Variants in ZNF573 observed in about 807,000 individuals in gnomAD.
ZNF573 encodes zinc finger protein 573.
A neutral mutation model predicts 57.4 loss-of-function variants in ZNF573; 41 were observed. The ratio of observed to expected loss-of-function variants is 0.71; its 90% confidence interval spans 0.56 to 0.93. The LOEUF (loss-of-function observed/expected upper bound fraction) is 0.93, where lower values mean the gene tolerates loss of function less well. Ranked by LOEUF, ZNF573 falls within the 40% of genes least tolerant of loss-of-function variation. The pLI, the probability that ZNF573 is intolerant of heterozygous loss-of-function variation, is 0.00. For synonymous variants in ZNF573, 249 were observed against 261.0 expected, an observed-to-expected ratio of 0.95 and a Z score of 0.44; for missense variants, 730 against 794.8, an observed-to-expected ratio of 0.92 and a Z score of 0.98.
In ZNF573 at chr19:37,773,691, G is replaced by A; in HGVS notation, c.39C>T (p.Ile13=). The part of the protein sequence containing the change: ...PVLEPHQVGL[I]RSYNSKTMTC... ...TCATGGTTTTAGAATTGTAAGACCTGATCAGTCCTACTTGGTGGGGTTCCA... is the reference window on the plus strand; with the variant it reads ...TCATGGTTTTAGAATTGTAAGACCTAATCAGTCCTACTTGGTGGGGTTCCA... Residue 13 remains isoleucine, a synonymous_variant, in exon 2 of 5, where the codon ATC becomes ATT. Transcript: ENST00000536220. 6.5e-7 allele frequency: 1 copy of A among 1,535,676 alleles called. No homozygotes were observed. Among genetic ancestry groups the A allele is most frequent in the African/African-American group, 1.4e-5 (1 of 73,138 alleles).
At chr19:37,747,661 C>T (rs1210732096) in intron 4 of ZNF573, among the ~76,000 whole-genome samples, 2 of 151,940 alleles carry the variant, frequency 1.3e-5, no homozygotes, top group African/African-American at 4.8e-5. Flanking sequence ...ATGTCATGTA[C>T]CCCTGATGTA....
intron 1 of ZNF573, among the ~76,000 whole-genome samples, chr19:37,778,000 G>A (rs2045726066): frequency 6.8e-6 from 1 of 147,566 alleles, no homozygotes; most frequent in African/African-American, 2.5e-5. Context: ...ACTCCAGCCT[G>A]GGCGACAGAG....
intron 4 of ZNF573, among the ~76,000 whole-genome samples, chr19:37,757,489 G>A (rs868713571): frequency 2.6e-5 from 4 of 152,030 alleles, no homozygotes; most frequent in Non-Finnish European, 4.4e-5. Flanking sequence ...GAGCTACCGC[G>A]CCCGGCCCAC....
intron 4 of ZNF573, among the ~76,000 whole-genome samples, chr19:37,745,935 A>G (rs2045378279): frequency 6.6e-6 from 1 of 152,212 alleles, no homozygotes; most frequent in Admixed American, 6.5e-5. Context: ...TCATAGATAC[A>G]ATTCAAATAC....
rs3752365 is a variant in ZNF573, at chr19:37,739,819, C to G, written c.671G>C (p.Gly224Ala). The G allele has an allele frequency of 0.18, 297,041 of 1,613,896 alleles. 29,540 individuals are homozygous for G. The highest frequency in any genetic ancestry group is 0.21 in the Non-Finnish European group (243,780 of 1,179,940). ...GTGTGAGGCATATATAAAGGCCTTC[C>G]CACACTGCCTACATTCATAGGTTTT... Reference protein sequence around the residue: ...GEKTYECRQCGKAFIYASHIV... With the variant: ...GEKTYECRQCAKAFIYASHIV... The change falls in exon 5 of 5, where the codon GGG (glycine) becomes GCG (alanine). Residue 224 changes from glycine (G) to alanine (A), a missense_variant. Physicochemically the swap from Gly to Ala is moderately conservative, Grantham distance 60. Transcript: ENST00000536220.
chr19:37,745,976 C>G (rs1462124952), intron 4 of ZNF573, among the ~76,000 whole-genome samples: 2 of 152,178 alleles, frequency 1.3e-5, no homozygotes, highest in Non-Finnish European at 2.9e-5. Flanking sequence ...CAGTCACACA[C>G]AGATTGTTCC....
At chr19:37,766,056 G>T (rs241932) in intron 4 of ZNF573, among the ~76,000 whole-genome samples, 45,641 of 151,712 alleles carry the variant, frequency 0.3, 8,448 homozygotes, top group East Asian at 0.62. Flanking sequence ...AAAAAGAAAA[G>T]AGAAAAGACC....
intron 3 of ZNF573, 43 bp from the exon 4 acceptor site, chr19:37,770,140 A>G: frequency 7.1e-6 from 10 of 1,416,898 alleles, no homozygotes; most frequent in Non-Finnish European, 9.6e-6. Flanking sequence ...AATAAAAACA[A>G]AAGTAACAGA....
intron 4 of ZNF573, among the ~76,000 whole-genome samples, chr19:37,757,867 A>G (rs946581413): frequency 6.6e-6 from 1 of 152,244 alleles, no homozygotes; most frequent in African/African-American, 2.4e-5. Flanking sequence ...CAGTCATAAA[A>G]AATGATGAGT....
At chr19:37,751,113 T>A (rs2045431701) in intron 4 of ZNF573, among the ~76,000 whole-genome samples, 1 of 143,044 alleles carries the variant, frequency 7.0e-6, no homozygotes, top group Admixed American at 7.1e-5. Context: ...ATATATACTG[T>A]GTATATATAC....
intron 4 of ZNF573, among the ~76,000 whole-genome samples, chr19:37,762,835 G>A (rs554703423): frequency 1.9e-4 from 28 of 150,666 alleles, no homozygotes; most frequent in Non-Finnish European, 3.4e-4. Context: ...GCAGTGGTGC[G>A]ATCTCGGCTC....
chr19:37,762,390 T>A (rs1307871969), intron 4 of ZNF573, among the ~76,000 whole-genome samples: 3 of 152,178 alleles, frequency 2.0e-5, no homozygotes, highest in Non-Finnish European at 4.4e-5. Flanking sequence ...GTATATTTGA[T>A]AATATTCTTA....
chr19:37,766,574 G>T (rs1438017108), intron 4 of ZNF573, among the ~76,000 whole-genome samples: 1 of 152,090 alleles, frequency 6.6e-6, no homozygotes. Flanking sequence ...CTCCACTGTG[G>T]TGTCTTCATC....
At chr19:37,742,117 A>G (rs980518663) in intron 4 of ZNF573, among the ~76,000 whole-genome samples, 5 of 152,178 alleles carry the variant, frequency 3.3e-5, no homozygotes, top group South Asian at 4.1e-4. Context: ...ACAGCTAACA[A>G]GGGATGTGAA....
chr19:37,743,782 T>G, intron 4 of ZNF573, among the ~76,000 whole-genome samples: 1 of 152,164 alleles, frequency 6.6e-6, no homozygotes, highest in Non-Finnish European at 1.5e-5. Flanking sequence ...ATGTGGTACA[T>G]ATACACCATG....
chr19:37,770,424 G>A (rs754623571), intron 3 of ZNF573: 249 of 212,718 alleles, frequency 1.2e-3, no homozygotes, highest in Admixed American at 3.9e-3. Flanking sequence ...CTTTGGCCAT[G>A]TGACTTCAAC....
At chr19:37,769,960 A>C (rs1468546516) in intron 4 of ZNF573, 45 bp downstream of exon 4, 2 of 1,484,080 alleles carry the variant, frequency 1.3e-6, no homozygotes, top group African/African-American at 2.8e-5. Flanking sequence ...TTCTCTTACC[A>C]CATGGGCTGT....
chr19:37,752,555 A>G (rs1395973172), intron 4 of ZNF573, among the ~76,000 whole-genome samples: 7 of 152,210 alleles, frequency 4.6e-5, no homozygotes, highest in Non-Finnish European at 2.9e-5. Context: ...AAGCAAATCT[A>G]TCGATATCAA....
At position 37,739,861 on chromosome 19, in the gene ZNF573, C is replaced by A; in HGVS notation, c.629G>T (p.Arg210Ile). 1 of 1,614,000 alleles carries A rather than the reference C, an allele frequency of 6.2e-7. No homozygotes were observed. The stretch of plus-strand genomic sequence containing the variant: ...ATAGGTTTTCTCACCAGTATGAAAT[C>A]TCTGATGCACAGTCAGCTGATAACC... ...RSGYQLTVHQ[R>I]FHTGEKTYEC... Residue 210 changes from arginine (R) to isoleucine (I), a missense_variant, in exon 5 of 5, where the codon AGA becomes ATA. Arg to Ile is a moderately conservative substitution (Grantham distance 97). Transcript: ENST00000536220.
Sources: allele counts gnomAD v4.1 joint callset (sites outside exome capture counted in the v4.1 genomes callset), GRCh38; gene constraint gnomAD v4.1.1; transcripts MANE v1.5; gene names NCBI Gene and HGNC (gene_info 2026-07-23, HGNC 2026-07-21).